NUP155: variants seen among roughly 807,000 people sequenced by gnomAD.
The protein encoded by NUP155 is nuclear pore complex protein Nup155.
A neutral mutation model predicts 180.4 loss-of-function variants in NUP155; 71 were observed. That is an observed-to-expected ratio of 0.39 (90% CI 0.33 to 0.48). NUP155 has a LOEUF of 0.48. Ranked by LOEUF, NUP155 falls within the 20% of genes least tolerant of loss-of-function variation. The probability of loss-of-function intolerance (pLI) is 0.91; values close to 1 mark genes in which losing one functional copy is unlikely to be tolerated. For synonymous variants in NUP155, 582 were observed against 559.5 expected (o/e 1.04, Z -0.57); for missense variants, 1,553 against 1,648.9 (o/e 0.94, Z 1.01).
intron 6 of NUP155, 66 bp from the exon 7 acceptor site, chr5:37,350,331 A>G (rs1746374850): frequency 1.0e-6 from 1 of 986,670 alleles, no homozygotes; most frequent in South Asian, 1.4e-5. Context: ...ACTACTGTAT[A>G]TCCATATTTA....
At chr5:37,365,929 G>A (rs1747558599) in intron 1 of NUP155, among the ~76,000 whole-genome samples, 1 of 151,462 alleles carries the variant, frequency 6.6e-6, no homozygotes, top group Non-Finnish European at 1.5e-5. Context: ...ATGACTATAA[G>A]CAAACAAAAT....
chr5:37,329,474 G>A (rs1306957186), intron 15 of NUP155, among the ~76,000 whole-genome samples, 196 bp from the exon 16 acceptor site: 1 of 152,150 alleles, frequency 6.6e-6, no homozygotes, highest in Non-Finnish European at 1.5e-5. Flanking sequence ...ACTTGAAACT[G>A]CTACCAGGAA....
Position 37,292,063 on chromosome 5 carries a change from A to C in NUP155, c.4038-25T>G, listed in dbSNP as rs776016647. 1.9e-6 allele frequency: 3 copies of C among 1,612,686 alleles called. No homozygotes were observed. In the African/African-American group the frequency reaches 4.0e-5, roughly 22 times the overall value. Reference sequence around the variant, plus strand: ...CCTACAACGAAAAAGACACATGATTAATTATACATTTACAAACATTTCCTC... The same window carrying C: ...CCTACAACGAAAAAGACACATGATTCATTATACATTTACAAACATTTCCTC... On this transcript the variant is annotated intron_variant, in intron 34 of 34. Transcript: ENST00000231498.
intron 14 of NUP155, among the ~76,000 whole-genome samples, chr5:37,330,649 G>GT (rs756083529): frequency 6.6e-6 from 1 of 152,050 alleles, no homozygotes; most frequent in Non-Finnish European, 1.5e-5. Context: ...AATTTTAACC[G>GT]TATCAATTCC....
chr5:37,345,839 G>A (rs756653375), intron 9 of NUP155, among the ~76,000 whole-genome samples: 14 of 151,022 alleles, frequency 9.3e-5, no homozygotes, highest in Non-Finnish European at 1.8e-4. Flanking sequence ...GGCAGGCAGA[G>A]GGTGCAGTGA....
At chr5:37,363,461 T>C (rs1388930471) in intron 3 of NUP155, among the ~76,000 whole-genome samples, 1 of 152,186 alleles carries the variant, frequency 6.6e-6, no homozygotes, top group Non-Finnish European at 1.5e-5. Flanking sequence ...TCTATACATA[T>C]AATTTACACA....
In NUP155 at chr5:37,305,129, T is replaced by G; in HGVS notation, c.2985A>C (p.Val995=). The change falls in exon 26 of 35, where the codon GTA becomes GTC. Residue 995 remains valine, a synonymous_variant. Coordinates refer to ENST00000231498, the MANE Select transcript of NUP155 (RefSeq NM_153485.3). ...ACACTGGAGGACCAGGTTTTTTGGGTACACTGGGAGACTGAGGAGCGGCCT... is the reference window on the plus strand; with the variant it reads ...ACACTGGAGGACCAGGTTTTTTGGGGACACTGGGAGACTGAGGAGCGGCCT... The part of the protein sequence containing the change: ...QSKAAPQSPS[V]PKKPGPPVLS... The G allele has an allele frequency of 1.2e-6, 2 of 1,613,970 alleles. No individual in the cohort carries two copies. The highest frequency in any genetic ancestry group is 1.7e-6 in the Non-Finnish European group (2 of 1,179,976).
At chr5:37,337,391 CAG>C (rs1469609260) in intron 12 of NUP155, among the ~76,000 whole-genome samples, 3 of 150,508 alleles carry the variant, frequency 2.0e-5, no homozygotes, top group Admixed American at 6.6e-5. Flanking sequence ...AAAAAAAAAA[CAG>C]ACAAAATTAC....
At chr5:37,301,378 A>G in intron 30 of NUP155, 59 bp downstream of exon 30, 1 of 1,198,054 alleles carries the variant, frequency 8.3e-7, no homozygotes. Context: ...CAAAATAAAA[A>G]ACAAAAATTT....
chr5:37,331,262 A>G (rs777293291), intron 14 of NUP155, among the ~76,000 whole-genome samples: 1 of 152,100 alleles, frequency 6.6e-6, no homozygotes, highest in Non-Finnish European at 1.5e-5. Flanking sequence ...TTAGGCAAAG[A>G]AAGGAATATT....
chr5:37,297,323 T>A (rs531875141), intron 32 of NUP155, among the ~76,000 whole-genome samples: 2 of 151,870 alleles, frequency 1.3e-5, no homozygotes, highest in Non-Finnish European at 2.9e-5. Flanking sequence ...AAAGCCCACA[T>A]GATTATTTCT....
intron 21 of NUP155, among the ~76,000 whole-genome samples, chr5:37,315,469 A>G (rs1214510032): frequency 6.6e-6 from 1 of 152,240 alleles, no homozygotes; most frequent in Admixed American, 6.5e-5. Flanking sequence ...TATTTGATTC[A>G]TATTTTTAGC....
At chr5:37,293,117 C>A in intron 33 of NUP155, 132 bp from the exon 34 acceptor site, 1 of 657,338 alleles carries the variant, frequency 1.5e-6, no homozygotes, top group Non-Finnish European at 2.7e-6. Flanking sequence ...TATCACATGG[C>A]TACTAAATTA....
chr5:37,314,597 G>A (rs1233797198), intron 21 of NUP155, among the ~76,000 whole-genome samples: 1 of 152,086 alleles, frequency 6.6e-6, no homozygotes, highest in Non-Finnish European at 1.5e-5. Flanking sequence ...CAGCACTTTG[G>A]GAGGCCGAGG....
chr5:37,361,577 C>A (rs1295277365), intron 3 of NUP155, among the ~76,000 whole-genome samples: 1 of 152,158 alleles, frequency 6.6e-6, no homozygotes, highest in Non-Finnish European at 1.5e-5. Flanking sequence ...CTGGCACAGC[C>A]TCTTGGAACT....
Position 37,349,258 on chromosome 5 carries a change from C to CA in NUP155, c.830-14dup, listed in dbSNP as rs550342158. 31,513 of 521,896 alleles carry CA rather than the reference C, an allele frequency of 0.06. 49 individuals are homozygous for CA. Among genetic ancestry groups the CA allele is most frequent in the African/African-American group, 0.07 (2,826 of 40,458 alleles). The allele number at this position is 521,896 out of a possible 1,614,324, so 32.3% of individuals were successfully genotyped here. ...TGAAGAATAGGATCTAAAAGTAAGACAAAAAAAAAAAAGAGAAAAAAGTAA... is the reference window on the plus strand; with the variant it reads ...TGAAGAATAGGATCTAAAAGTAAGACAAAAAAAAAAAAAGAGAAAAAAGTAA... On this transcript the variant is annotated splice_polypyrimidine_tract_variant and intron_variant, in intron 7 of 34. Transcript: ENST00000231498.
intron 23 of NUP155, chr5:37,309,521 A>G: frequency 2.3e-6 from 1 of 437,208 alleles, no homozygotes. Context: ...TAGTCAATAC[A>G]TTATTGGGCA....
chr5:37,292,971 G>C lies in NUP155; in HGVS notation c.3945C>G (p.Asn1315Lys). Residue 1315 changes from asparagine (N) to lysine (K), a missense_variant, in exon 34 of 35, where the codon AAC becomes AAG. By Grantham distance (94) the Asn-to-Lys change is moderately conservative (BLOSUM62 0). Transcript: ENST00000231498. ...QLFKSRDPFW[N>K]RMKKPLHLLD... ...AAAGGTGCAGTGGCTTCTTCATTCT[G>C]TTCCAGAATGGATCCTATGAAGAAA... The C allele has an allele frequency of 1.2e-6, 2 of 1,602,538 alleles. No homozygotes were observed. Among genetic ancestry groups the C allele is most frequent in the Non-Finnish European group, 1.7e-6 (2 of 1,169,860 alleles).
At chr5:37,316,688 C>T (rs1743907470) in intron 21 of NUP155, among the ~76,000 whole-genome samples, 1 of 151,908 alleles carries the variant, frequency 6.6e-6, no homozygotes, top group Non-Finnish European at 1.5e-5. Flanking sequence ...TGGTCTTGAA[C>T]TCCTGACCTC....
Sources: allele counts gnomAD v4.1 joint callset (sites outside exome capture counted in the v4.1 genomes callset), GRCh38; gene constraint gnomAD v4.1.1; transcripts MANE v1.5; gene names NCBI Gene and HGNC (gene_info 2026-07-23, HGNC 2026-07-21).